Variants in KLHL2 observed in about 807,000 individuals in gnomAD.
KLHL2 encodes kelch like family member 2, also known as kelch-like protein 2.
A neutral mutation model predicts 75.8 loss-of-function variants in KLHL2; 15 were observed. That is an observed-to-expected ratio of 0.20 (90% confidence interval 0.13 to 0.30). The LOEUF (loss-of-function observed/expected upper bound fraction) is 0.30. KLHL2 is among the 10% of genes least tolerant of loss of function. The pLI is 1.00. For synonymous variants in KLHL2, 214 were observed against 251.9 expected (o/e 0.85, Z 1.42); for missense variants, 381 against 741.0 (o/e 0.51, Z 5.64).
intron 4 of KLHL2, among the ~76,000 whole-genome samples, chr4:165,245,155 C>A (rs1462731936): frequency 6.6e-6 from 1 of 152,096 alleles, no homozygotes; most frequent in Non-Finnish European, 1.5e-5. Flanking sequence ...TTGCAGTAAA[C>A]GAAGATCGCA....
intron 5 of KLHL2, among the ~76,000 whole-genome samples, chr4:165,264,605 T>TATATATAC (rs757273597): frequency 3.5e-4 from 43 of 124,130 alleles, no homozygotes; most frequent in African/African-American, 9.6e-4. Context: ...TATATATATA[T>TATATATAC]ACACACACAC....
chr4:165,220,138 A>G (rs189172002), intron 2 of KLHL2, 79 bp downstream of exon 2: 398 of 1,527,086 alleles, frequency 2.6e-4, no homozygotes, highest in Admixed American at 4.9e-4. Context: ...TATATAATCA[A>G]CCTTCCATTG....
intron 9 of KLHL2, among the ~76,000 whole-genome samples, chr4:165,310,071 C>T (rs1579178321): frequency 6.6e-6 from 1 of 152,182 alleles, no homozygotes; most frequent in Non-Finnish European, 1.5e-5. Context: ...GGTGCAGTGG[C>T]TCACGCTTGT....
At chr4:165,285,256 T>G (rs1027725888) in intron 5 of KLHL2, among the ~76,000 whole-genome samples, 2 of 152,184 alleles carry the variant, frequency 1.3e-5, no homozygotes, top group Non-Finnish European at 2.9e-5. Flanking sequence ...TCTTATGATT[T>G]TTATGGCATT....
chr4:165,207,582 C>G lies in KLHL2; in HGVS notation c.-295C>G, dbSNP rs1297237835. 1 of 149,858 alleles carries G rather than the reference C, an allele frequency of 6.7e-6. No individual in the cohort carries two copies. The highest frequency in any genetic ancestry group is 2.4e-5 in the African/African-American group (1 of 41,094). The allele number at this position is 149,858 out of a possible 1,614,324, so 9.3% of individuals were successfully genotyped here. A position where few individuals can be genotyped will look rare whatever the true frequency, so the allele number is the denominator to read the frequency against. On this transcript the variant is annotated 5_prime_UTR_variant, in exon 1 of 15. Coordinates refer to ENST00000226725, the MANE Select transcript of KLHL2 (RefSeq NM_007246.4). The surrounding 1 kb of genome is among the most constrained non-coding windows in gnomAD (Gnocchi z 4.2). ...TCGCAGTCCCGTCACAGCGTCGGCG[C>G]CGGCCGGGGCCGAACCCGGAAGTGG...
At chr4:165,238,316 T>C (rs1447967137) in intron 3 of KLHL2, among the ~76,000 whole-genome samples, 1 of 152,224 alleles carries the variant, frequency 6.6e-6, no homozygotes, top group Non-Finnish European at 1.5e-5. Context: ...TGGTGCAGGC[T>C]ATGCATGCCC....
chr4:165,275,525 C>T (rs1299545997), intron 5 of KLHL2, among the ~76,000 whole-genome samples: 1 of 152,196 alleles, frequency 6.6e-6, no homozygotes, highest in African/African-American at 2.4e-5. Context: ...TCCTATACCT[C>T]ACCACTTCCC....
At position 165,264,682 on chromosome 4, in the gene KLHL2, A is replaced by ATGTGTG. The variant is rs760543186; in HGVS notation, c.544+1341_544+1346dup. Among the ~76,000 whole-genome samples, 612 of 68,630 alleles carry ATGTGTG rather than the reference A, an allele frequency of 8.9e-3. 10 individuals are homozygous for ATGTGTG. The highest frequency in any genetic ancestry group is 0.018 in the African/African-American group (366 of 20,520). 45.0% of individuals were successfully genotyped at this position (68,630 alleles called of 152,430 possible). A position where few individuals can be genotyped will look rare whatever the true frequency, so the allele number is the denominator to read the frequency against. ...CATATATGTCTACATACGTATATGT[A>ATGTGTG]TGTGTGTGTGTGTGTGTGTGTGTAT... On this transcript the variant is annotated intron_variant, in intron 5 of 14. Coordinates refer to ENST00000226725, the MANE Select transcript of KLHL2 (RefSeq NM_007246.4).
chr4:165,253,106 A>G (rs1204485674), intron 4 of KLHL2, among the ~76,000 whole-genome samples: 2 of 152,112 alleles, frequency 1.3e-5, no homozygotes, highest in Non-Finnish European at 2.9e-5. Flanking sequence ...ATCTCGGCTC[A>G]CTGCAACCTC....
Position 165,317,893 on chromosome 4 carries a change from A to C in KLHL2, c.1677A>C (p.Ser559=). The C allele has an allele frequency of 6.2e-7, 1 of 1,613,906 alleles. No homozygotes were observed. The highest frequency in any genetic ancestry group is 8.5e-7 in the Non-Finnish European group (1 of 1,179,790). ...ATGATGGTTCCTGTAACTTGGCGTCAGTAGAATATTATAACCCAACAACCG... is the reference window on the plus strand; with the variant it reads ...ATGATGGTTCCTGTAACTTGGCGTCCGTAGAATATTATAACCCAACAACCG... The part of the protein sequence containing the change: ...GGDDGSCNLA[S]VEYYNPTTDK... The change falls in exon 14 of 15, where the codon TCA becomes TCC. Residue 559 remains serine (S), a synonymous_variant. Coordinates refer to ENST00000226725, the MANE Select transcript of KLHL2 (RefSeq NM_007246.4).
chr4:165,280,330 C>T (rs999418071), intron 5 of KLHL2, among the ~76,000 whole-genome samples: 7 of 152,236 alleles, frequency 4.6e-5, no homozygotes, highest in African/African-American at 7.2e-5. Context: ...ATGCATTATT[C>T]TCTGTAAGAC....
At chr4:165,219,894 A>C (rs1229214644) in intron 1 of KLHL2, 40 bp from the exon 2 acceptor site, 1 of 1,569,990 alleles carries the variant, frequency 6.4e-7, no homozygotes, top group African/African-American at 1.4e-5. Flanking sequence ...GATCTTTAAT[A>C]AGATCTTTTT....
rs1579199180 is a variant in KLHL2, at chr4:165,319,682, C to T, written c.1753+1713C>T. On this transcript the variant is annotated intron_variant, in intron 14 of 14. Coordinates refer to ENST00000226725, the MANE Select transcript of KLHL2 (RefSeq NM_007246.4). The surrounding 1 kb of genome is among the most constrained non-coding windows in gnomAD (Gnocchi z 4.5). ...TGTCGCCCAGGCTGGAGTGCAACAG[C>T]GTGATCTCAGATCACTGCAACCTCC... Among the ~76,000 whole-genome samples the T allele has an allele frequency of 2.0e-5, 3 of 152,226 alleles. No homozygotes were observed. Among genetic ancestry groups the T allele is most frequent in the Admixed American group, 2.0e-4 (3 of 15,284 alleles).
chr4:165,313,554 TTAATGTC>T (rs1746373955), intron 12 of KLHL2, among the ~76,000 whole-genome samples, 188 bp downstream of exon 12: 2 of 152,218 alleles, frequency 1.3e-5, no homozygotes, highest in Non-Finnish European at 2.9e-5. Context: ...ACTTTAAAAT[TTAATGTC>T]TAAGTGCCAT....
At chr4:165,271,718 A>G (rs1038725228) in intron 5 of KLHL2, among the ~76,000 whole-genome samples, 7 of 152,226 alleles carry the variant, frequency 4.6e-5, no homozygotes, top group African/African-American at 1.7e-4. Context: ...TTTCTGGAAG[A>G]TAAATCTGGT....
chr4:165,294,245 T>C (rs1744738789), intron 5 of KLHL2, 114 bp from the exon 6 acceptor site: 2 of 627,706 alleles, frequency 3.2e-6, no homozygotes, highest in East Asian at 5.6e-5. Flanking sequence ...AGGTGTGCAA[T>C]TGGTTTTCTC....
chr4:165,212,284 A>G (rs1356436794), intron 1 of KLHL2, among the ~76,000 whole-genome samples: 2 of 152,206 alleles, frequency 1.3e-5, no homozygotes, highest in African/African-American at 2.4e-5. Flanking sequence ...AGGGTAGAGA[A>G]TAATAAGAAT....
At chr4:165,233,184 G>A (rs1449424140) in intron 3 of KLHL2, among the ~76,000 whole-genome samples, 1 of 152,148 alleles carries the variant, frequency 6.6e-6, no homozygotes, top group Non-Finnish European at 1.5e-5. Flanking sequence ...GTAGAGAAGG[G>A]AAGTGAAAAG....
chr4:165,264,682 A>ATG (rs760543186), intron 5 of KLHL2, among the ~76,000 whole-genome samples: 2,977 of 68,400 alleles, frequency 0.044, 108 homozygotes, highest in South Asian at 0.13. Context: ...ACGTATATGT[A>ATG]TGTGTGTGTG....
Sources: allele counts gnomAD v4.1 joint callset (sites outside exome capture counted in the v4.1 genomes callset), GRCh38; gene constraint gnomAD v4.1.1; non-coding constraint Gnocchi (gnomAD v3.1); transcripts MANE v1.5; gene names NCBI Gene and HGNC (gene_info 2026-07-23, HGNC 2026-07-21).